Variants in CCSER1 observed in about 807,000 individuals in gnomAD.
CCSER1 encodes the protein coiled-coil serine rich protein 1.
Under a neutral mutation model 82.0 loss-of-function variants are expected in CCSER1, and 41 were observed. That is an observed-to-expected ratio of 0.50 (90% CI 0.39 to 0.65). CCSER1 has a LOEUF of 0.65. Ranked by LOEUF, CCSER1 falls within the 30% of genes least tolerant of loss-of-function variation. The probability of loss-of-function intolerance (pLI) is 0.00; values close to 1 mark genes in which losing one functional copy is unlikely to be tolerated. For missense variants in CCSER1, 1,119 were observed against 1,064.2 expected (o/e 1.05, Z -0.72); for synonymous variants, 414 against 383.9 (o/e 1.08, Z -0.92).
rs1250762188 is a variant in CCSER1 at position 91,598,928 on chromosome 4, C to A, written c.2574C>A (p.Thr858=). Reference sequence around the variant, plus strand: ...TTGCTACGGCCCGACAGCATTCGACCTTTACAGGCAGGTTTGGACAGCCAC... The same window carrying A: ...TTGCTACGGCCCGACAGCATTCGACATTTACAGGCAGGTTTGGACAGCCAC... The part of the protein sequence containing the change: ...DQVATARQHS[T]FTGRFGQPPR... The change falls in exon 11 of 11, where the codon ACC becomes ACA. Residue 858 remains threonine (T), a synonymous_variant. Transcript: ENST00000509176. 6.4e-7 allele frequency: 1 copy of A among 1,551,588 alleles called. No homozygotes were observed. Among genetic ancestry groups the A allele is most frequent in the Non-Finnish European group, 8.7e-7 (1 of 1,146,924 alleles).
At chr4:91,472,690 C>A (rs1286582823) in intron 10 of CCSER1, among the ~76,000 whole-genome samples, 1 of 152,104 alleles carries the variant, frequency 6.6e-6, no homozygotes, top group Non-Finnish European at 1.5e-5. Context: ...TCGACTGGCT[C>A]TTTTGCAGCT....
At position 90,480,777 on chromosome 4, in the gene CCSER1, G is replaced by A. The variant is rs1306311370; in HGVS notation, c.1724+12423G>A. Among the ~76,000 whole-genome samples, 6 of 152,256 alleles carry A rather than the reference G, an allele frequency of 3.9e-5. No individual in the cohort carries two copies. In the South Asian group the frequency reaches 1.0e-3, roughly 26 times the overall value. On this transcript the variant is annotated intron_variant, in intron 5 of 10. Transcript: ENST00000509176. ...CCAGTACCATGCTGTTTTGGTTACT[G>A]TAGCCTTGTAGTATAGTTTGAAGTC...
chr4:90,822,767 CAA>C (rs1447909004), intron 8 of CCSER1, among the ~76,000 whole-genome samples: 1 of 149,432 alleles, frequency 6.7e-6, no homozygotes, highest in Non-Finnish European at 1.5e-5. Context: ...TTTAAAAGTC[CAA>C]TTCAAATGGG....
intron 10 of CCSER1, among the ~76,000 whole-genome samples, chr4:91,274,915 C>T (rs1742299580): frequency 6.6e-6 from 1 of 152,012 alleles, no homozygotes; most frequent in South Asian, 2.1e-4. Context: ...ACCATCCTGG[C>T]TAACACAGTG....
At chr4:90,820,523 G>A (rs1485092334) in intron 8 of CCSER1, among the ~76,000 whole-genome samples, 1 of 152,042 alleles carries the variant, frequency 6.6e-6, no homozygotes, top group Non-Finnish European at 1.5e-5. Flanking sequence ...CCGTTTTATA[G>A]CAGCTTTAGT....
At position 91,069,179 on chromosome 4, in the gene CCSER1, A is replaced by T. The variant is rs551173494; in HGVS notation, c.2173-16771A>T. Among the ~76,000 whole-genome samples, 11 of 151,846 alleles carry T rather than the reference A, an allele frequency of 7.2e-5. No homozygotes were observed. In the South Asian group the frequency reaches 1.5e-3, roughly 20 times the overall value. On this transcript the variant is annotated intron_variant, in intron 9 of 10. Coordinates refer to ENST00000509176, the MANE Select transcript of CCSER1 (RefSeq NM_001145065.2). ...CATCATCTCAAAAAAAATAAATAAA[A>T]AATAAAAATTTTGATTTTCTAAAAG...
intron 6 of CCSER1, among the ~76,000 whole-genome samples, chr4:90,696,512 A>G (rs1001555410): frequency 6.6e-6 from 1 of 152,156 alleles, no homozygotes; most frequent in East Asian, 1.9e-4. Context: ...AATTATCTAA[A>G]TTCAACTGTA....
intron 10 of CCSER1, among the ~76,000 whole-genome samples, chr4:91,096,888 A>G (rs1724565076): frequency 6.6e-6 from 1 of 152,202 alleles, no homozygotes; most frequent in African/African-American, 2.4e-5. Flanking sequence ...AAGCCAAGTC[A>G]AAACCAAAAC....
At chr4:91,275,736 G>C (rs1410155708) in intron 10 of CCSER1, among the ~76,000 whole-genome samples, 1 of 152,058 alleles carries the variant, frequency 6.6e-6, no homozygotes, top group East Asian at 1.9e-4. Context: ...CCTTTGCCCA[G>C]AGCAATGTCC....
At chr4:91,159,753 T>C (rs1731188874) in intron 10 of CCSER1, among the ~76,000 whole-genome samples, 1 of 151,950 alleles carries the variant, frequency 6.6e-6, no homozygotes, top group Admixed American at 6.6e-5. Flanking sequence ...GAATTTCAAA[T>C]GCAACTGAGA....
intron 10 of CCSER1, among the ~76,000 whole-genome samples, chr4:91,529,710 G>A (rs1760930168): frequency 6.6e-6 from 1 of 151,714 alleles, no homozygotes; most frequent in South Asian, 2.1e-4. Flanking sequence ...ATAGATCTAA[G>A]CTATTCTCTT....
At chr4:90,391,477 TATATATATACACAC>T (rs2153538739) in intron 3 of CCSER1, among the ~76,000 whole-genome samples, 1 of 91,166 alleles carries the variant, frequency 1.1e-5, no homozygotes, top group South Asian at 3.1e-4. Context: ...TATATATATA[TATATATATACACAC>T]ACACAGTGGG....
At chr4:91,570,750 A>G (rs1439431928) in intron 10 of CCSER1, among the ~76,000 whole-genome samples, 1 of 152,172 alleles carries the variant, frequency 6.6e-6, no homozygotes, top group South Asian at 2.1e-4. Context: ...AGGGGCTGCC[A>G]TGAAGGTCTC....
intron 3 of CCSER1, among the ~76,000 whole-genome samples, chr4:90,379,369 T>C (rs1748852395): frequency 6.6e-6 from 1 of 152,194 alleles, no homozygotes; most frequent in Non-Finnish European, 1.5e-5. Flanking sequence ...AAGGAGGCTG[T>C]AATATAGAGG....
chr4:90,896,284 G>T (rs1723703132), intron 8 of CCSER1, among the ~76,000 whole-genome samples: 1 of 151,898 alleles, frequency 6.6e-6, no homozygotes, highest in South Asian at 2.1e-4. Flanking sequence ...AAGTGGGTAT[G>T]CCTAGTAGGC....
chr4:91,383,563 A>G (rs1751078825), intron 10 of CCSER1, among the ~76,000 whole-genome samples: 1 of 152,238 alleles, frequency 6.6e-6, no homozygotes, highest in East Asian at 1.9e-4. Flanking sequence ...TTTAGGATAA[A>G]TAGTTCAATC....
chr4:90,395,084 C>A (rs1751762589), intron 3 of CCSER1, among the ~76,000 whole-genome samples: 1 of 152,162 alleles, frequency 6.6e-6, no homozygotes, highest in Non-Finnish European at 1.5e-5. Context: ...CCACACATAC[C>A]TCAGCCTCTG....
chr4:91,336,387 T>C (rs549679378), intron 10 of CCSER1, among the ~76,000 whole-genome samples: 7 of 152,234 alleles, frequency 4.6e-5, no homozygotes, highest in Admixed American at 4.6e-4. Flanking sequence ...GTCAATAAAG[T>C]CCCTTGTCTT....
At chr4:91,319,289 GC>G (rs35909971) in intron 10 of CCSER1, among the ~76,000 whole-genome samples, 1 of 149,464 alleles carries the variant, frequency 6.7e-6, no homozygotes, top group Non-Finnish European at 1.5e-5. Context: ...ATTTGACCAT[GC>G]CTCCCAGAGA....
Sources: allele counts gnomAD v4.1 joint callset (sites outside exome capture counted in the v4.1 genomes callset), GRCh38; gene constraint gnomAD v4.1.1; transcripts MANE v1.5; gene names NCBI Gene and HGNC (gene_info 2026-07-23, HGNC 2026-07-21).